The following TMEM265 variants were observed in gnomAD, a reference collection of about 807,000 sequenced individuals.
TMEM265 encodes the protein transmembrane protein 265.
A neutral mutation model predicts 9.5 loss-of-function variants in TMEM265; 8 were observed. The observed-to-expected ratio is 0.84, with a 90% CI of 0.49 to 1.52. The LOEUF (loss-of-function observed/expected upper bound fraction) is 1.52, where lower values mean the gene tolerates loss of function less well. Ranked by LOEUF, TMEM265 falls within the 40% of genes most tolerant of loss-of-function variation. The pLI, the probability that TMEM265 is intolerant of heterozygous loss-of-function variation, is 0.00. For missense variants in TMEM265, 152 were observed against 146.2 expected (o/e 1.04, Z -0.21); for synonymous variants, 53 against 56.9 (o/e 0.93, Z 0.31).
At chr16:30,741,968 TG>T in intron 2 of TMEM265, 60 bp downstream of exon 2, 1 of 1,483,418 alleles carries the variant, frequency 6.7e-7, no homozygotes, top group South Asian at 1.2e-5. Context: ...TTCATGTATC[TG>T]ATCTATCTAC....
chr16:30,741,139 C>T (rs2053220627), intron 1 of TMEM265: 1 of 152,276 alleles, frequency 6.6e-6, no homozygotes, highest in Non-Finnish European at 1.5e-5. Context: ...GGCAGGGAGG[C>T]AGCATAGCAG....
intron 1 of TMEM265, 42 bp from the exon 2 acceptor site, chr16:30,741,699 C>T (rs1328986097): frequency 7.3e-6 from 11 of 1,508,700 alleles, no homozygotes; most frequent in Non-Finnish European, 8.0e-6. Context: ...AGGCCAAGGG[C>T]TCTGTTGTTG....
intron 2 of TMEM265, 79 bp downstream of exon 2, chr16:30,741,987 A>C (rs1373181744): frequency 7.1e-7 from 1 of 1,409,660 alleles, no homozygotes; most frequent in African/African-American, 1.4e-5. Flanking sequence ...TACATTGACC[A>C]GTCACTGAAT....
Position 30,741,894 on chromosome 16 carries a change from G to A in TMEM265, c.151G>A (p.Val51Met), listed in dbSNP as rs2053228937. ...GCSCLGVMAL[V>M]FAIKAEERHK... is the part of the protein sequence containing the mutation. ...CTCTTGCCTGGGAGTCATGGCTCTG[G>A]TGTTTGCCATCAAGGTGAGGAGTGC... The change falls in exon 2 of 3, where the codon GTG becomes ATG. Residue 51 changes from valine (V) to methionine (M), a missense_variant. Coordinates refer to ENST00000615541, the MANE Select transcript of TMEM265 (RefSeq NM_001256829.2). 1 of 1,533,882 alleles carries A rather than the reference G, an allele frequency of 6.5e-7. No individual in the cohort carries two copies. The highest frequency in any genetic ancestry group is 2.0e-5 in the Admixed American group (1 of 50,978).
At chr16:30,741,549 A>T in intron 1 of TMEM265, 192 bp from the exon 2 acceptor site, 1 of 559,670 alleles carries the variant, frequency 1.8e-6, no homozygotes, top group Non-Finnish European at 3.1e-6. Flanking sequence ...CCTCAAGCTT[A>T]GGTAAAAGGA....
At position 30,745,001 on chromosome 16, in the gene TMEM265, A is replaced by C. The variant is rs2053248087; in HGVS notation, c.*1058A>C. 6.6e-6 allele frequency: 1 copy of C among 152,256 alleles called. No homozygotes were observed. The highest frequency in any genetic ancestry group is 2.4e-5 in the African/African-American group (1 of 41,458). The allele number at this position is 152,256 out of a possible 1,614,324, so 9.4% of individuals were successfully genotyped here. A position where few individuals can be genotyped will look rare whatever the true frequency, so the allele number is the denominator to read the frequency against. On this transcript the variant is annotated 3_prime_UTR_variant, in exon 3 of 3. Transcript: ENST00000615541. ...AAACGTGAATAACCACATTCAGTAA[A>C]GAAATTGGAACACTGTCAACACTTC...
At position 30,741,834 on chromosome 16, in the gene TMEM265, C is replaced by A. The variant is rs768639896; in HGVS notation, c.91C>A (p.Arg31Ser). The A allele has an allele frequency of 3.9e-6, 6 of 1,533,976 alleles. 1 individual carries two copies. In the South Asian group the frequency reaches 6.0e-5, roughly 15 times the overall value. Residue 31 changes from arginine to serine, a missense_variant, in exon 2 of 3, where the codon CGC (arginine) becomes AGC (serine). Arg to Ser is a moderately radical substitution (Grantham distance 110). Coordinates refer to ENST00000615541, the MANE Select transcript of TMEM265 (RefSeq NM_001256829.2). The part of the protein sequence containing the change: ...SPIRCCWLRL[R>S]CLAATSIICG... ...CATCCGCTGCTGCTGGCTCCGCCTC[C>A]GCTGCTTGGCAGCTACTAGCATTAT...
chr16:30,744,919 TATATC>T lies in TMEM265; in HGVS notation c.*980_*984del, dbSNP rs1034293205. The stretch of plus-strand genomic sequence containing the variant: ...TCAAATTTTTTTTAAAATTATGAAG[TATATC>T]ATACATATAGGAAAATACCCAAAAC... On this transcript the variant is annotated 3_prime_UTR_variant, in exon 3 of 3. Coordinates refer to ENST00000615541, the MANE Select transcript of TMEM265 (RefSeq NM_001256829.2). 2.3e-4 allele frequency: 35 copies of T among 152,220 alleles called. No individual in the cohort carries two copies. Among genetic ancestry groups the T allele is most frequent in the Admixed American group, 1.8e-3 (28 of 15,278 alleles). The allele number at this position is 152,220 out of a possible 1,614,324, so 9.4% of individuals were successfully genotyped here.
chr16:30,742,858 G>A (rs535774154), intron 2 of TMEM265, among the ~76,000 whole-genome samples: 20 of 150,962 alleles, frequency 1.3e-4, no homozygotes, highest in East Asian at 1.2e-3. Context: ...CCACGGAGTC[G>A]GAGGTTGCAT....
chr16:30,743,417 A>G (rs1280141840), intron 2 of TMEM265, among the ~76,000 whole-genome samples: 3 of 152,090 alleles, frequency 2.0e-5, no homozygotes, highest in African/African-American at 7.2e-5. Context: ...GATGAGGCCC[A>G]TTGGGCTATG....
In TMEM265 at chr16:30,741,963, G is replaced by T; in HGVS notation, c.165+55G>T. ...GGTGGGTATAAGGCAATGGTTTCAT[G>T]TATCTGATCTATCTACATTGACCAG... On this transcript the variant is annotated intron_variant, in intron 2 of 2. Coordinates refer to ENST00000615541, the MANE Select transcript of TMEM265 (RefSeq NM_001256829.2). 11 of 1,495,556 alleles carry T rather than the reference G, an allele frequency of 7.4e-6. No individual in the cohort carries two copies. In the South Asian group the frequency reaches 1.4e-4, roughly 18 times the overall value. 92.6% of individuals were successfully genotyped at this position (1,495,556 alleles called of 1,614,324 possible).
Position 30,740,647 on chromosome 16 carries a change from C to T in TMEM265, c.-64C>T, listed in dbSNP as rs1411093759. ...GCCCTGAGTCAGCTCCATCACCACCCAAGCCAAACCAAAGCTGAGGCAGGA... is the reference window on the plus strand; with the variant it reads ...GCCCTGAGTCAGCTCCATCACCACCTAAGCCAAACCAAAGCTGAGGCAGGA... On this transcript the variant is annotated 5_prime_UTR_variant, in exon 1 of 3. Coordinates refer to ENST00000615541, the MANE Select transcript of TMEM265 (RefSeq NM_001256829.2). 2 of 152,276 alleles carry T rather than the reference C, an allele frequency of 1.3e-5. No homozygotes were observed. Among genetic ancestry groups the T allele is most frequent in the East Asian group, 3.9e-4 (2 of 5,194 alleles). 9.4% of individuals were successfully genotyped at this position (152,276 alleles called of 1,614,324 possible). A position where few individuals can be genotyped will look rare whatever the true frequency, so the allele number is the denominator to read the frequency against.
chr16:30,743,365 GA>G (rs1308250043), intron 2 of TMEM265, among the ~76,000 whole-genome samples: 1 of 151,924 alleles, frequency 6.6e-6, no homozygotes, highest in Non-Finnish European at 1.5e-5. Flanking sequence ...TGGGTGACAG[GA>G]GTGAAACTGT....
intron 1 of TMEM265, 35 bp from the exon 2 acceptor site, chr16:30,741,706 G>C (rs1265592996): frequency 6.6e-7 from 1 of 1,517,586 alleles, no homozygotes; most frequent in Admixed American, 2.0e-5. Flanking sequence ...GGGCTCTGTT[G>C]TTGGGCTCAC....
rs1241323193 is a variant in TMEM265, at chr16:30,744,865, A to T, written c.*922A>T. 1 of 152,222 alleles carries T rather than the reference A, an allele frequency of 6.6e-6. No homozygotes were observed. Among genetic ancestry groups the T allele is most frequent in the South Asian group, 2.1e-4 (1 of 4,826 alleles). 9.4% of individuals were successfully genotyped at this position (152,222 alleles called of 1,614,324 possible). ...ATTTGAGTGATTAAAATGGATTTTC[A>T]TATCTTTTATCTTGGACCTCATAAT... On this transcript the variant is annotated 3_prime_UTR_variant, in exon 3 of 3. Coordinates refer to ENST00000615541, the MANE Select transcript of TMEM265 (RefSeq NM_001256829.2).
intron 2 of TMEM265, among the ~76,000 whole-genome samples, chr16:30,742,152 G>T (rs1045758161): frequency 6.6e-6 from 1 of 152,208 alleles, no homozygotes; most frequent in African/African-American, 2.4e-5. Flanking sequence ...GCACAGGACA[G>T]TGTGGGAGCC....
chr16:30,744,037 C>T lies in TMEM265; in HGVS notation c.*94C>T. On this transcript the variant is annotated 3_prime_UTR_variant, in exon 3 of 3. Transcript: ENST00000615541. ...CTGTGACAGCAGTGGTTGGAAGGAT[C>T]CTGGTTGGAAGGATGGGGACTCTCT... is the stretch of plus-strand genomic sequence containing the variant. The T allele has an allele frequency of 7.1e-7, 1 of 1,399,812 alleles. No individual in the cohort carries two copies. Among genetic ancestry groups the T allele is most frequent in the Non-Finnish European group, 9.5e-7 (1 of 1,053,134 alleles). 86.7% of individuals were successfully genotyped at this position (1,399,812 alleles called of 1,614,324 possible). A position where few individuals can be genotyped will look rare whatever the true frequency, so the allele number is the denominator to read the frequency against.
Position 30,743,897 on chromosome 16 carries a change from C to T in TMEM265, c.281C>T (p.Pro94Leu), listed in dbSNP as rs1210988409. 6.5e-7 allele frequency: 1 copy of T among 1,533,962 alleles called. No homozygotes were observed. Among genetic ancestry groups the T allele is most frequent in the Non-Finnish European group, 8.7e-7 (1 of 1,146,710 alleles). Residue 94 changes from proline (P) to leucine (L), a missense_variant, in exon 3 of 3, where the codon CCC becomes CTC. Coordinates refer to ENST00000615541, the MANE Select transcript of TMEM265 (RefSeq NM_001256829.2). ...AVWLAVLILG[P>L]LLLWLLSYAI... is the part of the protein sequence containing the mutation. The stretch of plus-strand genomic sequence containing the variant: ...TGGCTTGCTGTCCTCATTCTGGGTC[C>T]CCTGCTGCTGTGGTTGCTCTCCTAC...
At chr16:30,741,397 C>G (rs893382319) in intron 1 of TMEM265, 2 of 199,960 alleles carry the variant, frequency 1.0e-5, no homozygotes, top group African/African-American at 4.6e-5. Context: ...ATTAAAATAA[C>G]AGATTCATAG....
Sources: allele counts gnomAD v4.1 joint callset (sites outside exome capture counted in the v4.1 genomes callset), GRCh38; gene constraint gnomAD v4.1.1; transcripts MANE v1.5; gene names NCBI Gene and HGNC (gene_info 2026-07-23, HGNC 2026-07-21).